JAKMIP2: variants seen among roughly 807,000 people sequenced by gnomAD.
JAKMIP2 encodes the protein janus kinase and microtubule interacting protein 2, also known as janus kinase and microtubule-interacting protein 2.
JAKMIP2 carries 25 observed loss-of-function variants against 115.0 expected under a neutral mutation model. The observed-to-expected ratio is 0.22, with a 90% confidence interval of 0.16 to 0.30. The LOEUF (loss-of-function observed/expected upper bound fraction) is 0.30, where lower values mean the gene tolerates loss of function less well. Ranked by LOEUF, JAKMIP2 falls within the 10% of genes least tolerant of loss-of-function variation. The probability of loss-of-function intolerance (pLI) is 1.00; values close to 1 mark genes in which losing one functional copy is unlikely to be tolerated. For missense variants in JAKMIP2, 642 were observed against 957.6 expected (o/e 0.67, Z 4.35); for synonymous variants, 334 against 343.6 (o/e 0.97, Z 0.31).
chr5:147,782,354 T>C, intron 1 of JAKMIP2, 102 bp downstream of exon 1: 1 of 1,189,292 alleles, frequency 8.4e-7, no homozygotes, highest in South Asian at 1.3e-5. Flanking sequence ...CCTTCTAGTC[T>C]GAGGCACGGG....
chr5:147,587,912 C>T lies in JAKMIP2; in HGVS notation c.*3795G>A, dbSNP rs1361306192. 1 of 145,054 alleles carries T rather than the reference C, an allele frequency of 6.9e-6. No homozygotes were observed. Among genetic ancestry groups the T allele is most frequent in the East Asian group, 2.0e-4 (1 of 4,918 alleles). 9.0% of individuals were successfully genotyped at this position (145,054 alleles called of 1,614,324 possible). The stretch of plus-strand genomic sequence containing the variant: ...GCTCTACCTTATGGACTTGGGAAGA[C>T]ACATACAACCTGTATGAGCAGTTAT... On this transcript the variant is annotated 3_prime_UTR_variant, in exon 22 of 22. Transcript: ENST00000616793.
At position 147,699,446 on chromosome 5, in the gene JAKMIP2, A is replaced by G. The variant is rs375393031; in HGVS notation, c.-148-27492T>C. Among the ~76,000 whole-genome samples, 14 of 152,328 alleles carry G rather than the reference A, an allele frequency of 9.2e-5. 1 individual carries two copies. Among genetic ancestry groups the G allele is most frequent in the African/African-American group, 3.4e-4 (14 of 41,576 alleles). On this transcript the variant is annotated intron_variant, in intron 1 of 21. Coordinates refer to ENST00000616793, the MANE Select transcript of JAKMIP2 (RefSeq NM_001270941.2). ...AAGTTGTTTACATTGGTGAAAAAAA[A>G]ACAATTAGAGAGGGACTCTTTAAAT...
At chr5:147,675,694 C>T (rs1252533935) in intron 1 of JAKMIP2, among the ~76,000 whole-genome samples, 2 of 152,024 alleles carry the variant, frequency 1.3e-5, no homozygotes, top group African/African-American at 4.8e-5. Flanking sequence ...CCTAGGCAAC[C>T]ACTAAGTCTA....
At chr5:147,721,419 T>A (rs1467757008) in intron 1 of JAKMIP2, among the ~76,000 whole-genome samples, 1 of 152,230 alleles carries the variant, frequency 6.6e-6, no homozygotes, top group African/African-American at 2.4e-5. Context: ...TCAGCAAGCC[T>A]GGGCAATGGC....
chr5:147,742,897 CAT>C (rs1754203391), intron 1 of JAKMIP2, among the ~76,000 whole-genome samples: 1 of 152,080 alleles, frequency 6.6e-6, no homozygotes, highest in Non-Finnish European at 1.5e-5. Context: ...ATTCTTGGCA[CAT>C]AGTAGATATT....
At chr5:147,612,241 G>C in intron 20 of JAKMIP2, 65 bp downstream of exon 20, 1 of 1,087,820 alleles carries the variant, frequency 9.2e-7, no homozygotes, top group Non-Finnish European at 1.4e-6. Context: ...AAAATACAGT[G>C]AGCAAAATCA....
chr5:147,714,112 G>A (rs1395123121), intron 1 of JAKMIP2, among the ~76,000 whole-genome samples: 1 of 152,130 alleles, frequency 6.6e-6, no homozygotes, highest in Non-Finnish European at 1.5e-5. Context: ...ATGAGGAGAT[G>A]AGACAGCATG....
intron 1 of JAKMIP2, among the ~76,000 whole-genome samples, chr5:147,726,118 A>T (rs1753506909): frequency 6.6e-6 from 1 of 152,052 alleles, no homozygotes; most frequent in Admixed American, 6.5e-5. Flanking sequence ...TCTGTTACTC[A>T]GGGCGACCAT....
At chr5:147,666,984 A>G (rs1481330758) in intron 2 of JAKMIP2, among the ~76,000 whole-genome samples, 3 of 152,170 alleles carry the variant, frequency 2.0e-5, no homozygotes, top group Non-Finnish European at 4.4e-5. Flanking sequence ...ATATAAAAGT[A>G]CCCATATCAT....
At chr5:147,643,136 C>T (rs1194326001) in intron 7 of JAKMIP2, among the ~76,000 whole-genome samples, 1 of 152,088 alleles carries the variant, frequency 6.6e-6, no homozygotes, top group African/African-American at 2.4e-5. Context: ...ATATATACAT[C>T]TATCCTATTA....
chr5:147,596,222 A>G (rs1320123385), intron 21 of JAKMIP2, among the ~76,000 whole-genome samples: 4 of 150,996 alleles, frequency 2.6e-5, no homozygotes, highest in Non-Finnish European at 4.4e-5. Context: ...TTAACTTGTT[A>G]TCAATAGATT....
intron 1 of JAKMIP2, among the ~76,000 whole-genome samples, chr5:147,768,208 T>G (rs1755220579): frequency 6.6e-6 from 1 of 152,182 alleles, no homozygotes; most frequent in Non-Finnish European, 1.5e-5. Context: ...AATGTTCTTA[T>G]GTTCTGATAA....
intron 1 of JAKMIP2, among the ~76,000 whole-genome samples, chr5:147,779,169 T>C (rs1755668455): frequency 6.6e-6 from 1 of 152,160 alleles, no homozygotes; most frequent in Non-Finnish European, 1.5e-5. Context: ...AGCGGACTTG[T>C]AGCAGGCACA....
At chr5:147,757,647 C>T (rs1754794534) in intron 1 of JAKMIP2, among the ~76,000 whole-genome samples, 1 of 152,002 alleles carries the variant, frequency 6.6e-6, no homozygotes, top group Admixed American at 6.6e-5. Context: ...GAATAACTGA[C>T]TTTCAGAGCC....
At chr5:147,736,148 T>C (rs1205906344) in intron 1 of JAKMIP2, among the ~76,000 whole-genome samples, 2 of 152,154 alleles carry the variant, frequency 1.3e-5, no homozygotes, top group Admixed American at 6.5e-5. Flanking sequence ...ATCTATTTCC[T>C]GATTAATTAA....
At chr5:147,710,833 G>A (rs897191797) in intron 1 of JAKMIP2, among the ~76,000 whole-genome samples, 12 of 152,180 alleles carry the variant, frequency 7.9e-5, no homozygotes, top group Non-Finnish European at 1.3e-4. Flanking sequence ...ATGCAAATGT[G>A]AGGCAATATT....
At chr5:147,667,267 GATC>G (rs1759351221) in intron 2 of JAKMIP2, among the ~76,000 whole-genome samples, 1 of 152,062 alleles carries the variant, frequency 6.6e-6, no homozygotes, top group African/African-American at 2.4e-5. Context: ...TGGGAAAAAA[GATC>G]ATTAGAAAAG....
At chr5:147,674,380 C>T (rs1007019166) in intron 1 of JAKMIP2, among the ~76,000 whole-genome samples, 4 of 152,170 alleles carry the variant, frequency 2.6e-5, no homozygotes, top group African/African-American at 9.7e-5. Flanking sequence ...ATAGTCCCTT[C>T]ATTGTTGTCT....
At chr5:147,711,927 G>A (rs1487096163) in intron 1 of JAKMIP2, among the ~76,000 whole-genome samples, 1 of 152,088 alleles carries the variant, frequency 6.6e-6, no homozygotes, top group Non-Finnish European at 1.5e-5. Flanking sequence ...CTCGGACACC[G>A]CGCCCAGCCC....
Sources: gnomAD v4.1 joint callset for allele counts (sites outside exome capture counted in the v4.1 genomes callset) on GRCh38, gnomAD v4.1.1 for gene constraint, MANE v1.5 for transcripts, NCBI Gene and HGNC (gene_info 2026-07-23, HGNC 2026-07-21) for gene names.